DDN: variants seen among roughly 807,000 people sequenced by gnomAD.
The protein encoded by DDN is dendrin.
Under a neutral mutation model 7.3 loss-of-function variants are expected in DDN, and 4 were observed. The observed-to-expected ratio is 0.55, with a 90% CI of 0.27 to 1.25. DDN has a LOEUF of 1.25. Ranked by LOEUF, DDN falls within the 50% of genes most tolerant of loss-of-function variation. The probability of loss-of-function intolerance (pLI) is 0.12; values close to 1 mark genes in which losing one functional copy is unlikely to be tolerated. For missense variants in DDN, 933 were observed against 974.7 expected (o/e 0.96, Z 0.57); for synonymous variants, 425 against 424.3 (o/e 1.00, Z -0.02).
Position 48,997,063 on chromosome 12 carries a change from C to A in DDN, c.1813G>T (p.Gly605Trp), listed in dbSNP as rs1477483711. 1.3e-6 allele frequency: 2 copies of A among 1,530,156 alleles called. No individual in the cohort carries two copies. The highest frequency in any genetic ancestry group is 1.4e-5 in the African/African-American group (1 of 72,044). The allele number at this position is 1,530,156 out of a possible 1,614,324, so 94.8% of individuals were successfully genotyped here. A position where few individuals can be genotyped will look rare whatever the true frequency, so the allele number is the denominator to read the frequency against. The part of the protein sequence containing the change: ...RAGRGWARTP[G>W]PYAGALREAV... ...TCTCGCAGGGCCCCGGCGTAGGGCCCTGGGGTCCGCGCCCAGCCCCGGCCG... is the reference window on the plus strand; with the variant it reads ...TCTCGCAGGGCCCCGGCGTAGGGCCATGGGGTCCGCGCCCAGCCCCGGCCG... Residue 605 changes from glycine (G) to tryptophan (W), a missense_variant, in exon 2 of 2, where the codon GGG (glycine) becomes TGG (tryptophan). By Grantham distance (184) the Gly-to-Trp change is radical. Transcript: ENST00000421952.
rs775026645 is a variant in DDN, at chr12:48,998,335, G to A, written c.541C>T (p.Pro181Ser). 2.6e-6 allele frequency: 4 copies of A among 1,536,894 alleles called. 1 individual carries two copies. Among genetic ancestry groups the A allele is most frequent in the South Asian group, 2.4e-5 (2 of 84,062 alleles). ...VGRAPRPSAQ[P>S]QSDPGSAWAG... ...CACGCCGACCCTGGGTCGCTCTGCG[G>A]CTGCGCGGATGGACGGGGCGCTCGC... is the stretch of plus-strand genomic sequence containing the variant. Residue 181 changes from proline to serine, a missense_variant, in exon 2 of 2, where the codon CCG becomes TCG. Coordinates refer to ENST00000421952, the MANE Select transcript of DDN (RefSeq NM_015086.2).
At position 48,999,242 on chromosome 12, in the gene DDN, C is replaced by T; in HGVS notation, c.46G>A (p.Glu16Lys). Residue 16 changes from glutamate (E) to lysine (K), a missense_variant, in exon 1 of 2, where the codon GAG becomes AAG. Physicochemically the swap from Glu to Lys is moderately conservative, Grantham distance 56. Coordinates refer to ENST00000421952, the MANE Select transcript of DDN (RefSeq NM_015086.2). The part of the protein sequence containing the change: ...LFSEGPDSPR[E>K]LQDEESGSCL... ...CTGCCAGACTCCTCATCCTGGAGCT[C>T]CCGGGGGCTGTCAGGCCCCTCGGAG... 6.4e-7 allele frequency: 1 copy of T among 1,572,616 alleles called. No homozygotes were observed. The highest frequency in any genetic ancestry group is 8.6e-7 in the Non-Finnish European group (1 of 1,158,642).
In DDN at chr12:48,997,331, C is replaced by T. The variant is rs1363209632; in HGVS notation, c.1545G>A (p.Ser515=). 2 of 1,609,660 alleles carry T rather than the reference C, an allele frequency of 1.2e-6. No individual in the cohort carries two copies. The highest frequency in any genetic ancestry group is 1.7e-6 in the Non-Finnish European group (2 of 1,178,416). ...CGGGCTGGTGTAAAAGGCGACTGCT[C>T]GACAGCCGCTTTTGACAAGGGGAAG... ...VFPSPCQKRL[S]SSRLLHQPGG... The change falls in exon 2 of 2, where the codon TCG becomes TCA. Residue 515 remains serine, a synonymous_variant. Transcript: ENST00000421952.
chr12:48,998,674 A>G lies in DDN; in HGVS notation c.210-8T>C, dbSNP rs2137641647. On this transcript the variant is annotated splice_region_variant and splice_polypyrimidine_tract_variant and intron_variant, in intron 1 of 1. Coordinates refer to ENST00000421952, the MANE Select transcript of DDN (RefSeq NM_015086.2). ...CCCGGGCGCGGCCCACACCTGGGACAATGAGCAGGAACCCAGGTGAGCAGT... is the reference window on the plus strand; with the variant it reads ...CCCGGGCGCGGCCCACACCTGGGACGATGAGCAGGAACCCAGGTGAGCAGT... 1.3e-6 allele frequency: 2 copies of G among 1,488,230 alleles called. No individual in the cohort carries two copies. Among genetic ancestry groups the G allele is most frequent in the African/African-American group, 1.4e-5 (1 of 70,310 alleles). The allele number at this position is 1,488,230 out of a possible 1,614,324, so 92.2% of individuals were successfully genotyped here.
chr12:48,997,312 G>A lies in DDN; in HGVS notation c.1564C>T (p.Gln522Ter), dbSNP rs772269292. ...KRLSSSRLLH[Q>*]PGGGRGGEAE... is the part of the protein sequence containing the mutation. ...TCGCCCCCGCGGCCCCCGCCGGGCT[G>A]GTGTAAAAGGCGACTGCTCGACAGC... The change falls in exon 2 of 2, where the codon CAG becomes TAG. Residue 522 changes from glutamine to a stop codon, truncating the protein, a stop_gained. Transcript: ENST00000421952. LOFTEE classifies it low-confidence loss of function (END_TRUNC). 1 of 1,609,724 alleles carries A rather than the reference G, an allele frequency of 6.2e-7. No individual in the cohort carries two copies. Among genetic ancestry groups the A allele is most frequent in the Non-Finnish European group, 8.5e-7 (1 of 1,178,468 alleles).
In DDN at chr12:48,999,013, T is replaced by A. The variant is rs905885546; in HGVS notation, c.209+66A>T. On this transcript the variant is annotated intron_variant, in intron 1 of 1. Coordinates refer to ENST00000421952, the MANE Select transcript of DDN (RefSeq NM_015086.2). ...GGGACCAGCAGTGCTCGCTGGTGCC[T>A]GCGGGGAGGTCCGGACCCCACTCCC... The A allele has an allele frequency of 1.9e-5, 29 of 1,548,556 alleles. No homozygotes were observed. In the East Asian group the frequency reaches 2.0e-4, roughly 11 times the overall value.
Position 48,997,605 on chromosome 12 carries a change from G to A in DDN, c.1271C>T (p.Pro424Leu), listed in dbSNP as rs1407646326. ...ESLGLGEGAG[P>L]ETLEGWKATR... is the part of the protein sequence containing the mutation. ...CGCCTTCCAACCCTCCAGGGTCTCC[G>A]GTCCTGCCCCCTCTCCAAGACCCAG... The change falls in exon 2 of 2, where the codon CCG (proline) becomes CTG (leucine). Residue 424 changes from proline (P) to leucine (L), a missense_variant. Transcript: ENST00000421952. 24 of 1,559,372 alleles carry A rather than the reference G, an allele frequency of 1.5e-5. No homozygotes were observed. Among genetic ancestry groups the A allele is most frequent in the Non-Finnish European group, 2.1e-5 (24 of 1,151,398 alleles).
In DDN at chr12:48,997,022, G is replaced by A; in HGVS notation, c.1854C>T (p.Ile618=). ...CCGAGTCAGGGGCTGTGTGGCGGCG[G>A]ATACGGGACACGGCTTCTCGCAGGG... ...AGALREAVSR[I]RRHTAPDSDT... The change falls in exon 2 of 2, where the codon ATC becomes ATT. Residue 618 remains isoleucine (I), a synonymous_variant. Coordinates refer to ENST00000421952, the MANE Select transcript of DDN (RefSeq NM_015086.2). 1 of 1,568,678 alleles carries A rather than the reference G, an allele frequency of 6.4e-7. No homozygotes were observed. Among genetic ancestry groups the A allele is most frequent in the East Asian group, 2.3e-5 (1 of 42,968 alleles).
In DDN at chr12:48,998,283, G is replaced by A; in HGVS notation, c.593C>T (p.Pro198Leu). 6.2e-7 allele frequency: 1 copy of A among 1,602,746 alleles called. No homozygotes were observed. Reference sequence around the variant, plus strand: ...GTGAGCCTCGTAGCTTGGGGGCCCGGGCCGCCGACCTCCCCAGGGCCCCGC... The same window carrying A: ...GTGAGCCTCGTAGCTTGGGGGCCCGAGCCGCCGACCTCCCCAGGGCCCCGC... ...AWAGPWGGRR[P>L]GPPSYEAHLL... The change falls in exon 2 of 2, where the codon CCC becomes CTC. Residue 198 changes from proline (P) to leucine (L), a missense_variant. By Grantham distance (98) the Pro-to-Leu change is moderately conservative. Coordinates refer to ENST00000421952, the MANE Select transcript of DDN (RefSeq NM_015086.2).
At position 48,996,995 on chromosome 12, in the gene DDN, G is replaced by T; in HGVS notation, c.1881C>A (p.Asp627Glu). ...RIRRHTAPDS[D>E]TDEAEELSVH... is the part of the protein sequence containing the mutation. ...CGCTGAGCTCCTCAGCTTCGTCCGT[G>T]TCCGAGTCAGGGGCTGTGTGGCGGC... is the stretch of plus-strand genomic sequence containing the variant. The change falls in exon 2 of 2, where the codon GAC (aspartate) becomes GAA (glutamate). Residue 627 changes from aspartate to glutamate, a missense_variant. By Grantham distance (45) the Asp-to-Glu change is conservative (BLOSUM62 2). Coordinates refer to ENST00000421952, the MANE Select transcript of DDN (RefSeq NM_015086.2). 1 of 1,569,602 alleles carries T rather than the reference G, an allele frequency of 6.4e-7. No homozygotes were observed. The highest frequency in any genetic ancestry group is 8.6e-7 in the Non-Finnish European group (1 of 1,157,584).
Position 48,998,306 on chromosome 12 carries a change from C to T in DDN, c.570G>A (p.Ala190=), listed in dbSNP as rs747531789. 147 of 1,583,440 alleles carry T rather than the reference C, an allele frequency of 9.3e-5. No homozygotes were observed. Among genetic ancestry groups the T allele is most frequent in the Non-Finnish European group, 9.4e-6 (11 of 1,168,198 alleles). Residue 190 remains alanine, a synonymous_variant, in exon 2 of 2, where the codon GCG becomes GCA. Coordinates refer to ENST00000421952, the MANE Select transcript of DDN (RefSeq NM_015086.2). ...QPQSDPGSAW[A]GPWGGRRPGP... ...CGGGCCGCCGACCTCCCCAGGGCCC[C>T]GCCCACGCCGACCCTGGGTCGCTCT...
Position 48,997,468 on chromosome 12 carries a change from G to A in DDN, c.1408C>T (p.Pro470Ser). ...VVIRSQYVPT[P>S]RTQQVQLLPS... is the part of the protein sequence containing the mutation. The stretch of plus-strand genomic sequence containing the variant: ...AAAAGCTGCACCTGCTGGGTTCGGG[G>A]GGTTGGAACATATTGGGATCGTATC... Residue 470 changes from proline (P) to serine (S), a missense_variant, in exon 2 of 2, where the codon CCC becomes TCC. Coordinates refer to ENST00000421952, the MANE Select transcript of DDN (RefSeq NM_015086.2). 1 of 1,613,966 alleles carries A rather than the reference G, an allele frequency of 6.2e-7. No homozygotes were observed. The highest frequency in any genetic ancestry group is 1.1e-5 in the South Asian group (1 of 91,072).
Position 48,997,650 on chromosome 12 carries a change from C to A in DDN, c.1226G>T (p.Gly409Val). The A allele has an allele frequency of 6.5e-7, 1 of 1,548,812 alleles. No individual in the cohort carries two copies. Among genetic ancestry groups the A allele is most frequent in the Non-Finnish European group, 8.7e-7 (1 of 1,146,532 alleles). ...QTLPRPWAPG[G>V]TGWRESLGLG... The stretch of plus-strand genomic sequence containing the variant: ...ACCCAGAGATTCTCTCCATCCGGTG[C>A]CTCCGGGAGCCCAGGGTCTGGGGAG... The change falls in exon 2 of 2, where the codon GGC becomes GTC. Residue 409 changes from glycine (G) to valine (V), a missense_variant. By Grantham distance (109) the Gly-to-Val change is moderately radical. Transcript: ENST00000421952.
chr12:48,997,708 G>A lies in DDN; in HGVS notation c.1168C>T (p.Pro390Ser), dbSNP rs866475761. 6.3e-7 allele frequency: 1 copy of A among 1,577,990 alleles called. No homozygotes were observed. The highest frequency in any genetic ancestry group is 8.6e-7 in the Non-Finnish European group (1 of 1,159,364). Residue 390 changes from proline (P) to serine (S), a missense_variant, in exon 2 of 2, where the codon CCT becomes TCT. Coordinates refer to ENST00000421952, the MANE Select transcript of DDN (RefSeq NM_015086.2). The part of the protein sequence containing the change: ...IWFPKCWIPS[P>S]KKQPPRHSQT... ...CTATGGCGGGGCGGCTGCTTTTTAG[G>A]GGAGGGAATCCAGCATTTGGGAAAC... is the stretch of plus-strand genomic sequence containing the variant.
Position 48,997,096 on chromosome 12 carries a change from G to T in DDN, c.1780C>A (p.Arg594=). Residue 594 remains arginine (R), a synonymous_variant, in exon 2 of 2, where the codon CGG becomes AGG. Transcript: ENST00000421952. The stretch of plus-strand genomic sequence containing the variant: ...CGCGCCCAGCCCCGGCCGGCGCGCC[G>T]CTGGACCACCGCCACTTCCGACCCC... ...AEGSEVAVVQ[R]RAGRGWARTP... 6.6e-7 allele frequency: 1 copy of T among 1,523,862 alleles called. No individual in the cohort carries two copies. The highest frequency in any genetic ancestry group is 8.7e-7 in the Non-Finnish European group (1 of 1,143,620). 94.4% of individuals were successfully genotyped at this position (1,523,862 alleles called of 1,614,324 possible).
In DDN at chr12:48,996,908, C is replaced by G. The variant is rs1941213008; in HGVS notation, c.1968G>C (p.Glu656Asp). 8.7e-6 allele frequency: 14 copies of G among 1,612,162 alleles called. No individual in the cohort carries two copies. Among genetic ancestry groups the G allele is most frequent in the Non-Finnish European group, 1.0e-5 (12 of 1,179,090 alleles). ...TGTTTCCAACCTCGGGCAGGGTCCT[C>G]TCATTCCGCCAGGAGGCGCCCGGGG... is the stretch of plus-strand genomic sequence containing the variant. ...TEAPGASWRN[E>D]RTLPEVGNSS... The change falls in exon 2 of 2, where the codon GAG becomes GAC. Residue 656 changes from glutamate (E) to aspartate (D), a missense_variant. Transcript: ENST00000421952.
Position 48,997,088 on chromosome 12 carries a change from G to C in DDN, c.1788C>G (p.Ala596=). Reference sequence around the variant, plus strand: ...CTGGGGTCCGCGCCCAGCCCCGGCCGGCGCGCCGCTGGACCACCGCCACTT... The same window carrying C: ...CTGGGGTCCGCGCCCAGCCCCGGCCCGCGCGCCGCTGGACCACCGCCACTT... The part of the protein sequence containing the change: ...GSEVAVVQRR[A]GRGWARTPGP... Residue 596 remains alanine, a synonymous_variant, in exon 2 of 2, where the codon GCC becomes GCG. Coordinates refer to ENST00000421952, the MANE Select transcript of DDN (RefSeq NM_015086.2). 1.3e-6 allele frequency: 2 copies of C among 1,523,380 alleles called. No individual in the cohort carries two copies. Among genetic ancestry groups the C allele is most frequent in the South Asian group, 1.3e-5 (1 of 75,862 alleles). The allele number at this position is 1,523,380 out of a possible 1,614,324, so 94.4% of individuals were successfully genotyped here.
At position 48,997,720 on chromosome 12, in the gene DDN, AG is replaced by A; in HGVS notation, c.1155del (p.Trp386GlyfsTer75). The A allele has an allele frequency of 6.3e-7, 1 of 1,583,334 alleles. No individual in the cohort carries two copies. The highest frequency in any genetic ancestry group is 8.6e-7 in the Non-Finnish European group (1 of 1,161,510). ...GGCTGCTTTTTAGGGGAGGGAATCC[AG>A]CATTTGGGAAACCAGATCTGTTCTC... ...KEGEQIWFPK[C>X]WIPSPKKQPP... is the part of the protein sequence containing the mutation. On this transcript the variant is annotated frameshift_variant, in exon 2 of 2. Transcript: ENST00000421952. LOFTEE classifies it low-confidence loss of function (END_TRUNC).
In DDN at chr12:48,998,268, T is replaced by C; in HGVS notation, c.608A>G (p.Tyr203Cys). 6.2e-7 allele frequency: 1 copy of C among 1,607,842 alleles called. No individual in the cohort carries two copies. The highest frequency in any genetic ancestry group is 8.5e-7 in the Non-Finnish European group (1 of 1,177,646). The change falls in exon 2 of 2, where the codon TAC becomes TGC. Residue 203 changes from tyrosine to cysteine, a missense_variant. Transcript: ENST00000421952. ...ACCTCTCAGCAGCAGGTGAGCCTCG[T>C]AGCTTGGGGGCCCGGGCCGCCGACC... ...WGGRRPGPPSYEAHLLLRGSA... is the reference protein window; with the variant it reads ...WGGRRPGPPSCEAHLLLRGSA...
Sources: allele counts gnomAD v4.1 joint callset, GRCh38; gene constraint gnomAD v4.1.1; transcripts MANE v1.5; gene names NCBI Gene and HGNC (gene_info 2026-07-23, HGNC 2026-07-21).